The following PDE4D variants were observed in gnomAD, a reference collection of about 807,000 sequenced individuals.
PDE4D encodes the protein 3',5'-cyclic-AMP phosphodiesterase 4D.
PDE4D carries 24 observed loss-of-function variants against 87.4 expected under a neutral mutation model. That is an observed-to-expected ratio of 0.27 (90% CI 0.20 to 0.39). PDE4D has a LOEUF of 0.39. Ranked by LOEUF, PDE4D falls within the 10% of genes least tolerant of loss-of-function variation. The probability of loss-of-function intolerance (pLI) is 1.00; values close to 1 mark genes in which losing one functional copy is unlikely to be tolerated. For synonymous variants in PDE4D, 384 were observed against 383.2 expected, an observed-to-expected ratio of 1.00 and a Z score of -0.02; for missense variants, 714 against 1,041.0, an observed-to-expected ratio of 0.69 and a Z score of 4.32.
chr5:60,486,562 A>C (rs1583914363), intron 1 of PDE4D, among the ~76,000 whole-genome samples: 1 of 152,202 alleles, frequency 6.6e-6, no homozygotes, highest in East Asian at 1.9e-4. Context: ...TTTAACAACA[A>C]AACTTTGTAT....
At chr5:59,152,444 A>G (rs531028953) in intron 5 of PDE4D, among the ~76,000 whole-genome samples, 1 of 152,326 alleles carries the variant, frequency 6.6e-6, no homozygotes, top group East Asian at 1.9e-4. Flanking sequence ...TAACAGCTGG[A>G]AAAACATGTT....
At chr5:60,317,478 T>C (rs554171308) in intron 1 of PDE4D, among the ~76,000 whole-genome samples, 3 of 152,184 alleles carry the variant, frequency 2.0e-5, no homozygotes, top group Non-Finnish European at 4.4e-5. Context: ...TTTTTGTGTC[T>C]TTATTTCCTT....
intron 1 of PDE4D, chr5:60,522,010 C>A (rs145118721): frequency 6.6e-6 from 1 of 151,936 alleles, no homozygotes; most frequent in East Asian, 1.9e-4. Flanking sequence ...GGGCAAGCTT[C>A]GGGGGCAAGG....
At position 59,686,553 on chromosome 5, in the gene PDE4D, C is replaced by A. The variant is rs146621726; in HGVS notation, c.455+206615G>T. ...TACATTTTAAAAATAGAAATGATCA[C>A]AATTTTAGAATTTGGGAAAATGAAC... On this transcript the variant is annotated intron_variant, in intron 1 of 14. Coordinates refer to ENST00000340635, the MANE Select transcript of PDE4D (RefSeq NM_001104631.2). Among the ~76,000 whole-genome samples, 1,029 of 152,194 alleles carry A rather than the reference C, an allele frequency of 6.8e-3. 5 individuals are homozygous for A. The highest frequency in any genetic ancestry group is 0.011 in the Non-Finnish European group (745 of 68,006).
chr5:59,327,418 G>A (rs1007675408), intron 1 of PDE4D, among the ~76,000 whole-genome samples: 1 of 152,026 alleles, frequency 6.6e-6, no homozygotes, highest in Admixed American at 6.6e-5. Context: ...AGGAGACTGG[G>A]GGAAGGAACA....
intron 1 of PDE4D, among the ~76,000 whole-genome samples, chr5:59,604,844 C>A (rs1167522240): frequency 6.6e-6 from 1 of 151,908 alleles, no homozygotes; most frequent in South Asian, 2.1e-4. Context: ...TTTTGGAGTA[C>A]AATTTAGCAA....
At chr5:60,207,413 T>A (rs1302137755) in intron 1 of PDE4D, among the ~76,000 whole-genome samples, 7 of 152,182 alleles carry the variant, frequency 4.6e-5, no homozygotes, top group Admixed American at 4.6e-4. Context: ...GGGCCCTACT[T>A]TAAGACGAAT....
At chr5:59,404,870 A>C (rs1791350304) in intron 1 of PDE4D, among the ~76,000 whole-genome samples, 1 of 152,086 alleles carries the variant, frequency 6.6e-6, no homozygotes, top group Non-Finnish European at 1.5e-5. Flanking sequence ...TATTGAAGAG[A>C]CTGTCCTTTC....
chr5:59,653,169 G>A (rs1227558797), intron 1 of PDE4D, among the ~76,000 whole-genome samples: 4 of 148,660 alleles, frequency 2.7e-5, no homozygotes, highest in Non-Finnish European at 4.4e-5. Flanking sequence ...GATGCATACT[G>A]AACTGACTAT....
At chr5:60,360,805 T>C (rs1040889352) in intron 1 of PDE4D, among the ~76,000 whole-genome samples, 1 of 152,180 alleles carries the variant, frequency 6.6e-6, no homozygotes, top group Non-Finnish European at 1.5e-5. Context: ...ATAAATCCTA[T>C]GTAAGTGTCC....
At chr5:60,175,976 C>CAATGATTTTT (rs1783868981) in intron 2 of PDE4D, among the ~76,000 whole-genome samples, 1 of 152,132 alleles carries the variant, frequency 6.6e-6, no homozygotes, top group Admixed American at 6.6e-5. Flanking sequence ...TTCCCTAAGA[C>CAATGATTTTT]AATGATTTTT....
Position 60,275,685 on chromosome 5 carries a change from T to C in PDE4D, c.-89-89998A>G, listed in dbSNP as rs113494866. Among the ~76,000 whole-genome samples, 6 of 152,234 alleles carry C rather than the reference T, an allele frequency of 3.9e-5. 1 individual carries two copies. The highest frequency in any genetic ancestry group is 1.4e-4 in the African/African-American group (6 of 41,578). ...TTTCTTCTGTGTGCTTTGGGTTTAA[T>C]TTTACCTTCTTTTTTCTAGGTTCTT... On this transcript the variant is annotated intron_variant, in intron 1 of 16. Transcript: ENST00000502484.
At chr5:59,191,336 T>G (rs556678933) in intron 3 of PDE4D, among the ~76,000 whole-genome samples, 2 of 152,088 alleles carry the variant, frequency 1.3e-5, no homozygotes, top group East Asian at 3.9e-4. Flanking sequence ...TATTACTTGA[T>G]GTAAAAGACC....
intron 1 of PDE4D, among the ~76,000 whole-genome samples, chr5:60,436,289 G>A (rs1312099799): frequency 6.6e-6 from 1 of 152,034 alleles, no homozygotes; most frequent in Admixed American, 6.6e-5. Context: ...TGTCTTATAT[G>A]AAACCAATAG....
chr5:59,413,326 T>C (rs1466706325), intron 1 of PDE4D, among the ~76,000 whole-genome samples: 1 of 151,468 alleles, frequency 6.6e-6, no homozygotes, highest in African/African-American at 2.4e-5. Context: ...GGCGTAGTGG[T>C]GGGGGCCTGT....
At chr5:60,125,409 C>T (rs1358863627) in intron 2 of PDE4D, among the ~76,000 whole-genome samples, 1 of 152,072 alleles carries the variant, frequency 6.6e-6, no homozygotes, top group Non-Finnish European at 1.5e-5. Context: ...CACCCTAGTC[C>T]AAGCCATCAT....
intron 2 of PDE4D, among the ~76,000 whole-genome samples, chr5:59,201,323 T>C (rs1747315517): frequency 6.6e-6 from 1 of 152,120 alleles, no homozygotes; most frequent in Non-Finnish European, 1.5e-5. Context: ...TAAATTAAAA[T>C]CATGAAACTC....
intron 1 of PDE4D, among the ~76,000 whole-genome samples, chr5:59,305,277 C>T (rs1227038398): frequency 1.3e-5 from 2 of 151,992 alleles, no homozygotes; most frequent in African/African-American, 4.8e-5. Flanking sequence ...TTTGGATTTT[C>T]TCTCTTCTTT....
At chr5:60,328,096 G>A (rs1013403835) in intron 1 of PDE4D, among the ~76,000 whole-genome samples, 4 of 152,126 alleles carry the variant, frequency 2.6e-5, no homozygotes, top group Admixed American at 1.3e-4. Context: ...TTGGGCATTA[G>A]AATTCAGAGT....
Sources: allele counts gnomAD v4.1 joint callset (sites outside exome capture counted in the v4.1 genomes callset), GRCh38; gene constraint gnomAD v4.1.1; transcripts MANE v1.5; gene names NCBI Gene and HGNC (gene_info 2026-07-23, HGNC 2026-07-21).